The following AUTS2 variants were observed in gnomAD, a reference collection of about 807,000 sequenced individuals.
The protein encoded by AUTS2 is autism susceptibility gene 2 protein.
Under a neutral mutation model 112.4 loss-of-function variants are expected in AUTS2, and 17 were observed. The observed-to-expected ratio is 0.15, with a 90% CI of 0.10 to 0.23. The LOEUF is 0.23. Ranked by LOEUF, AUTS2 falls within the 10% of genes least tolerant of loss-of-function variation. AUTS2 has a pLI of 1.00. For missense variants in AUTS2, 1,510 were observed against 1,701.6 expected (o/e 0.89, Z 1.98); for synonymous variants, 751 against 702.7 (o/e 1.07, Z -1.09).
chr7:70,452,806 C>CACACTTCTCT, intron 5 of AUTS2, among the ~76,000 whole-genome samples: 1 of 152,148 alleles, frequency 6.6e-6, no homozygotes, highest in Non-Finnish European at 1.5e-5. Flanking sequence ...AAAGCACAGG[C>CACACTTCTCT]GGTGGGCCCC....
At chr7:70,777,321 T>G in intron 14 of AUTS2, 147 bp downstream of exon 14, 6 of 730,300 alleles carry the variant, frequency 8.2e-6, no homozygotes, top group Middle Eastern at 4.8e-4. Context: ...GAAAAGCTAC[T>G]CAGAAGTCTT....
At chr7:70,632,295 G>A (rs1805302963) in intron 5 of AUTS2, among the ~76,000 whole-genome samples, 1 of 152,160 alleles carries the variant, frequency 6.6e-6, no homozygotes, top group African/African-American at 2.4e-5. Flanking sequence ...GGAGGCCCCA[G>A]CGAAAGGCAG....
chr7:70,164,132 T>C (rs1808257919), intron 4 of AUTS2, among the ~76,000 whole-genome samples: 1 of 152,204 alleles, frequency 6.6e-6, no homozygotes, highest in Non-Finnish European at 1.5e-5. Context: ...TAAACTTTCA[T>C]TTCTATATAG....
intron 5 of AUTS2, among the ~76,000 whole-genome samples, chr7:70,678,294 G>A (rs1296601766): frequency 1.3e-5 from 2 of 152,044 alleles, no homozygotes; most frequent in Non-Finnish European, 2.9e-5. Context: ...GGCATACAGC[G>A]GAAGTGTGTA....
intron 1 of AUTS2, among the ~76,000 whole-genome samples, chr7:69,629,074 G>A (rs957286469): frequency 1.3e-5 from 2 of 152,168 alleles, no homozygotes; most frequent in African/African-American, 4.8e-5. Context: ...AGTTGGTGGG[G>A]CATCACAGTG....
At chr7:69,791,094 T>A (rs1240477006) in intron 1 of AUTS2, among the ~76,000 whole-genome samples, 1 of 152,260 alleles carries the variant, frequency 6.6e-6, no homozygotes, top group Non-Finnish European at 1.5e-5. Flanking sequence ...TAGTTTCTGA[T>A]GCCATCTTCC....
At chr7:69,702,106 G>C (rs1435584765) in intron 1 of AUTS2, among the ~76,000 whole-genome samples, 8 of 152,148 alleles carry the variant, frequency 5.3e-5, no homozygotes, top group Non-Finnish European at 1.0e-4. Flanking sequence ...AGGTCAATGT[G>C]GTGCTGGAAG....
chr7:69,936,913 C>T (rs1796435889), intron 2 of AUTS2, among the ~76,000 whole-genome samples: 1 of 152,112 alleles, frequency 6.6e-6, no homozygotes, highest in Non-Finnish European at 1.5e-5. Flanking sequence ...CGTCGTTCCT[C>T]CCTCTCTTTT....
chr7:70,334,105 G>C (rs764388383), intron 4 of AUTS2, among the ~76,000 whole-genome samples: 4 of 152,058 alleles, frequency 2.6e-5, no homozygotes, highest in Non-Finnish European at 4.4e-5. Context: ...AATTGCCCTG[G>C]GTAGAACTTC....
rs1791754730 is a variant in AUTS2, at chr7:70,789,740, T to TC, written c.2532-3dup. The TC allele has an allele frequency of 6.2e-7, 1 of 1,605,230 alleles. No homozygotes were observed. Among genetic ancestry groups the TC allele is most frequent in the South Asian group, 1.1e-5 (1 of 90,254 alleles). On this transcript the variant is annotated splice_polypyrimidine_tract_variant and splice_region_variant and intron_variant, in intron 18 of 18. Coordinates refer to ENST00000342771, the MANE Select transcript of AUTS2 (RefSeq NM_015570.4). ...ATCTGCGTCCTTGTCTTCCCCTCTC[T>TC]CCCCCAGGGAAAGCGTCGAGAAGAG...
intron 4 of AUTS2, among the ~76,000 whole-genome samples, chr7:70,305,751 G>C (rs1789464518): frequency 6.6e-6 from 1 of 152,172 alleles, no homozygotes; most frequent in Non-Finnish European, 1.5e-5. Context: ...AGTGTATGTT[G>C]ACATAGAGCA....
chr7:69,671,857 C>CA (rs932171403), intron 1 of AUTS2, among the ~76,000 whole-genome samples: 1 of 151,390 alleles, frequency 6.6e-6, no homozygotes, highest in Non-Finnish European at 1.5e-5. Flanking sequence ...AGCTGGCTTA[C>CA]AAAAATGTGT....
At chr7:70,703,092 C>T (rs12698916) in intron 6 of AUTS2, among the ~76,000 whole-genome samples, 13,714 of 152,098 alleles carry the variant, frequency 0.09, 818 homozygotes, top group South Asian at 0.18. Flanking sequence ...TCTTCCATGG[C>T]GACCATATGA....
chr7:69,933,977 T>G (rs1216809463), intron 2 of AUTS2, among the ~76,000 whole-genome samples: 1 of 152,246 alleles, frequency 6.6e-6, no homozygotes, highest in Non-Finnish European at 1.5e-5. Flanking sequence ...TTGTTAAAAT[T>G]CTGCACTGGT....
chr7:70,757,587 G>A (rs1018736686), intron 6 of AUTS2, among the ~76,000 whole-genome samples: 3 of 151,874 alleles, frequency 2.0e-5, no homozygotes, highest in Non-Finnish European at 2.9e-5. Context: ...TGATGATCCT[G>A]TTGGGTTTTT....
intron 4 of AUTS2, among the ~76,000 whole-genome samples, chr7:70,314,346 C>T (rs1455565907): frequency 6.6e-6 from 1 of 152,234 alleles, no homozygotes; most frequent in African/African-American, 2.4e-5. Flanking sequence ...GTAATATCCA[C>T]CTGGATGTAA....
chr7:69,602,665 A>G (rs1792499720), intron 1 of AUTS2, among the ~76,000 whole-genome samples: 3 of 152,216 alleles, frequency 2.0e-5, no homozygotes, highest in Admixed American at 2.0e-4. Flanking sequence ...CAGTATTATC[A>G]CACTTAAATG....
intron 2 of AUTS2, among the ~76,000 whole-genome samples, chr7:70,051,536 A>T (rs1296841541): frequency 6.6e-6 from 1 of 152,036 alleles, no homozygotes; most frequent in Non-Finnish European, 1.5e-5. Flanking sequence ...GGCCAACATG[A>T]TGAAACCCCT....
chr7:70,270,228 G>A (rs1787625566), intron 4 of AUTS2, among the ~76,000 whole-genome samples: 2 of 152,130 alleles, frequency 1.3e-5, no homozygotes, highest in South Asian at 4.1e-4. Flanking sequence ...TTACTGGGTT[G>A]ATGCCAAGGA....
Sources: gnomAD v4.1 joint callset for allele counts (sites outside exome capture counted in the v4.1 genomes callset) on GRCh38, gnomAD v4.1.1 for gene constraint, MANE v1.5 for transcripts, NCBI Gene and HGNC (gene_info 2026-07-23, HGNC 2026-07-21) for gene names.